Variants in CCDC171 observed in about 807,000 individuals in gnomAD.
CCDC171 encodes coiled-coil domain-containing protein 171.
Under a neutral mutation model 168.2 loss-of-function variants are expected in CCDC171, and 177 were observed. The ratio of observed to expected loss-of-function variants is 1.05; its 90% confidence interval spans 0.93 to 1.19. CCDC171 has a LOEUF of 1.19. CCDC171 is among the 50% of genes most tolerant of loss of function. The pLI, the probability that CCDC171 is intolerant of heterozygous loss-of-function variation, is 0.00. For missense variants in CCDC171, 1,991 were observed against 1,539.0 expected, an observed-to-expected ratio of 1.29 and a Z score of -4.91; for synonymous variants, 687 against 540.8, an observed-to-expected ratio of 1.27 and a Z score of -3.75.
chr9:15,778,333 A>T (rs1266137951), intron 19 of CCDC171, among the ~76,000 whole-genome samples: 12 of 140,788 alleles, frequency 8.5e-5, no homozygotes, highest in African/African-American at 2.4e-4. Context: ...AAAAAAAAAA[A>T]AAAAAAAAAA....
intron 23 of CCDC171, among the ~76,000 whole-genome samples, chr9:15,864,507 T>G (rs1309284852): frequency 6.6e-6 from 1 of 152,020 alleles, no homozygotes; most frequent in Non-Finnish European, 1.5e-5. Flanking sequence ...TTCCACTTCT[T>G]CTGTCCAAGT....
chr9:15,673,149 G>T (rs532154311), intron 9 of CCDC171, among the ~76,000 whole-genome samples: 2 of 151,626 alleles, frequency 1.3e-5, no homozygotes, highest in South Asian at 2.1e-4. Context: ...TGAATTGGCT[G>T]TCTGTCTGTT....
intron 21 of CCDC171, among the ~76,000 whole-genome samples, chr9:15,785,309 C>G (rs773845357): frequency 3.3e-5 from 5 of 151,958 alleles, no homozygotes; most frequent in Admixed American, 6.6e-5. Flanking sequence ...GGATTTTTCA[C>G]TAGTGAGATT....
At chr9:15,584,169 T>G (rs938286575) in intron 4 of CCDC171, among the ~76,000 whole-genome samples, 1 of 152,204 alleles carries the variant, frequency 6.6e-6, no homozygotes, top group Non-Finnish European at 1.5e-5. Flanking sequence ...GCCCGGCATG[T>G]TAAGGTATAA....
At chr9:15,767,595 T>A (rs1419293336) in intron 18 of CCDC171, among the ~76,000 whole-genome samples, 2 of 151,982 alleles carry the variant, frequency 1.3e-5, no homozygotes, top group Admixed American at 1.3e-4. Flanking sequence ...AGGTCATTAT[T>A]CTTCCTACCA....
intron 16 of CCDC171, among the ~76,000 whole-genome samples, chr9:15,739,841 G>A (rs2054737306): frequency 6.6e-6 from 1 of 151,738 alleles, no homozygotes; most frequent in African/African-American, 2.4e-5. Context: ...GGGTTCAAGT[G>A]ATTCTCCTGC....
intron 3 of CCDC171, among the ~76,000 whole-genome samples, chr9:15,986,876 G>T (rs1005504633): frequency 1.3e-5 from 2 of 152,092 alleles, no homozygotes; most frequent in Non-Finnish European, 1.5e-5. Context: ...AATTTAAGGT[G>T]TAATATTTCA....
chr9:15,949,743 G>C (rs200334232), intron 25 of CCDC171, among the ~76,000 whole-genome samples: 1 of 151,990 alleles, frequency 6.6e-6, no homozygotes, highest in African/African-American at 2.4e-5. Context: ...CAATCATGTC[G>C]TCTGCAAACA....
At chr9:15,736,410 G>T (rs370487934) in intron 16 of CCDC171, among the ~76,000 whole-genome samples, 1 of 151,450 alleles carries the variant, frequency 6.6e-6, no homozygotes, top group Non-Finnish European at 1.5e-5. Context: ...GAGGTCAGTC[G>T]TGCGATCATA....
At chr9:16,096,246 T>C in the CCDC171 span, among the ~76,000 whole-genome samples, 5 of 152,004 alleles carry the variant, frequency 3.3e-5, no homozygotes, top group Non-Finnish European at 5.9e-5. Flanking sequence ...CTCCATAAAA[T>C]GTAGAGCAGG....
intron 6 of CCDC171, among the ~76,000 whole-genome samples, chr9:16,031,611 G>A (rs778326237): frequency 6.6e-6 from 1 of 152,176 alleles, no homozygotes; most frequent in South Asian, 2.1e-4. Context: ...TAGGGAAATC[G>A]AATGGCCAGT....
chr9:16,059,575 C>T (rs1408560544), intron 1 of CCDC171, among the ~76,000 whole-genome samples: 14 of 133,216 alleles, frequency 1.1e-4, no homozygotes, highest in South Asian at 2.5e-4. Flanking sequence ...ACTGCAGTGG[C>T]GCAATCTCGG....
chr9:15,606,132 T>G (rs1042801241), intron 6 of CCDC171, among the ~76,000 whole-genome samples: 1 of 152,220 alleles, frequency 6.6e-6, no homozygotes, highest in Non-Finnish European at 1.5e-5. Context: ...GTGGTCTTTC[T>G]CCCACTCTAA....
chr9:16,027,724 G>T (rs1483884287), intron 6 of CCDC171, among the ~76,000 whole-genome samples: 2 of 152,164 alleles, frequency 1.3e-5, no homozygotes, highest in African/African-American at 4.8e-5. Flanking sequence ...TTTTCAGTGG[G>T]TAATCATCAG....
chr9:16,062,719 G>T (rs184620433), downstream of CCDC171, among the ~76,000 whole-genome samples: 14 of 152,332 alleles, frequency 9.2e-5, no homozygotes, highest in Non-Finnish European at 1.9e-4. Context: ...TAAGGAGCCT[G>T]GAGTGTGTTG....
Position 16,004,350 on chromosome 9 carries a change from A to G in CCDC171, n.369-16239A>G, listed in dbSNP as rs192087836. ...AAAATAACTGAAAGAAAGAAAGATG[A>G]TTTTTTTGACTTACATGCTCTTGAG... On this transcript the variant is annotated intron_variant and non_coding_transcript_variant, in intron 3 of 9. Transcript: ENST00000486641. Among the ~76,000 whole-genome samples the G allele has an allele frequency of 1.9e-3, 294 of 152,250 alleles. 2 individuals carry two copies. The highest frequency in any genetic ancestry group is 6.3e-3 in the African/African-American group (260 of 41,546).
intron 24 of CCDC171, among the ~76,000 whole-genome samples, chr9:15,878,178 A>G (rs1248865335): frequency 1.3e-5 from 2 of 152,164 alleles, no homozygotes; most frequent in South Asian, 2.1e-4. Flanking sequence ...GAAACTATCA[A>G]CAGAGTAAAC....
chr9:15,901,538 A>G (rs955226491), intron 24 of CCDC171, among the ~76,000 whole-genome samples: 11 of 152,242 alleles, frequency 7.2e-5, no homozygotes, highest in Non-Finnish European at 4.4e-5. Context: ...TAAATATACC[A>G]TAAAATCTAT....
chr9:15,816,964 G>C (rs1294551861), intron 21 of CCDC171, among the ~76,000 whole-genome samples: 1 of 118,158 alleles, frequency 8.5e-6, no homozygotes, highest in East Asian at 2.1e-4. Flanking sequence ...TCAGGATAGA[G>C]CTCAAGAAGC....
Sources: gnomAD v4.1 joint callset for allele counts (sites outside exome capture counted in the v4.1 genomes callset) on GRCh38, gnomAD v4.1.1 for gene constraint, MANE v1.5 for transcripts, NCBI Gene and HGNC (gene_info 2026-07-23, HGNC 2026-07-21) for gene names.